The following CPAMD8 variants were observed in gnomAD, a reference collection of about 807,000 sequenced individuals.
The protein encoded by CPAMD8 is C3 and PZP like alpha-2-macroglobulin domain containing 8.
Under a neutral mutation model 224.7 loss-of-function variants are expected in CPAMD8, and 146 were observed. The ratio of observed to expected loss-of-function variants is 0.65; its 90% CI spans 0.57 to 0.75. The LOEUF (loss-of-function observed/expected upper bound fraction) is 0.75. Among genes scored for constraint, CPAMD8 ranks in the 30% least tolerant of loss-of-function variants. The pLI, the probability that CPAMD8 is intolerant of heterozygous loss-of-function variation, is 0.00. For missense variants in CPAMD8, 2,301 were observed against 2,537.5 expected (o/e 0.91, Z 2.00); for synonymous variants, 966 against 1,044.6 (o/e 0.92, Z 1.45).
intron 18 of CPAMD8, among the ~76,000 whole-genome samples, chr19:16,964,549 T>C (rs990121924): frequency 6.6e-6 from 1 of 152,094 alleles, no homozygotes; most frequent in Non-Finnish European, 1.5e-5. Context: ...CAATAATTAA[T>C]AGCCTACCAA....
chr19:16,982,358 C>A (rs1226237103), intron 13 of CPAMD8, among the ~76,000 whole-genome samples: 1 of 151,396 alleles, frequency 6.6e-6, no homozygotes, highest in Non-Finnish European at 1.5e-5. Flanking sequence ...TGCCACTGCA[C>A]CCTAGCCTGG....
At position 16,975,066 on chromosome 19, in the gene CPAMD8, G is replaced by A. The variant is rs752050487; in HGVS notation, c.2070+31C>T. ...TCTAGGCAAGAGGAACTTAGAAGGG[G>A]GCAGAGGGATCTGAGACCACCTCTC... On this transcript the variant is annotated intron_variant, in intron 17 of 41. Coordinates refer to ENST00000443236, the MANE Select transcript of CPAMD8 (RefSeq NM_015692.5). 46 of 1,604,252 alleles carry A rather than the reference G, an allele frequency of 2.9e-5. 1 individual carries two copies. The South Asian group carries it at 4.8e-4, about 17-fold the overall frequency.
intron 19 of CPAMD8, among the ~76,000 whole-genome samples, chr19:16,954,192 G>A (rs1372437337): frequency 6.6e-6 from 1 of 152,068 alleles, no homozygotes; most frequent in African/African-American, 2.4e-5. Flanking sequence ...AATTAGCCAG[G>A]TGTGGTGGTG....
chr19:16,909,564 C>A (rs1269778686), intron 29 of CPAMD8, among the ~76,000 whole-genome samples: 3 of 151,172 alleles, frequency 2.0e-5, no homozygotes, highest in African/African-American at 7.3e-5. Context: ...AACAAACAAA[C>A]AAACAAACCC....
At position 17,020,325 on chromosome 19, in the gene CPAMD8, G is replaced by A. The variant is rs1568611694; in HGVS notation, c.267+6C>T. 5 of 1,582,314 alleles carry A rather than the reference G, an allele frequency of 3.2e-6. No homozygotes were observed. In the South Asian group the frequency reaches 4.4e-5, roughly 14 times the overall value. Reference sequence around the variant, plus strand: ...AGGTTTATGATTTTAAAAATCAACGGCTTACCTTGAGTTTGATTGTCCCTT... The same window carrying A: ...AGGTTTATGATTTTAAAAATCAACGACTTACCTTGAGTTTGATTGTCCCTT... On this transcript the variant is annotated splice_donor_region_variant and intron_variant, in intron 3 of 41. Transcript: ENST00000443236.
intron 26 of CPAMD8, among the ~76,000 whole-genome samples, chr19:16,924,224 T>C (rs2547087): frequency 0.087 from 13,036 of 150,382 alleles, 1,615 homozygotes; most frequent in African/African-American, 0.28. Flanking sequence ...GGCATTTTGT[T>C]GTGGCAGTTT....
chr19:16,974,029 C>A lies in CPAMD8; in HGVS notation c.2070+1068G>T, dbSNP rs138892624. Reference sequence around the variant, plus strand: ...GTTTTTAGTAGAGAGGGGGTTTCACCGTGTTGGCCAGGATGGTCTCGATCT... The same window carrying A: ...GTTTTTAGTAGAGAGGGGGTTTCACAGTGTTGGCCAGGATGGTCTCGATCT... On this transcript the variant is annotated intron_variant, in intron 17 of 41. Coordinates refer to ENST00000443236, the MANE Select transcript of CPAMD8 (RefSeq NM_015692.5). Among the ~76,000 whole-genome samples the A allele has an allele frequency of 5.8e-3, 881 of 151,536 alleles. 12 individuals are homozygous for A. The highest frequency in any genetic ancestry group is 0.02 in the African/African-American group (838 of 41,354).
intron 27 of CPAMD8, 23 bp downstream of exon 27, chr19:16,921,882 T>C: frequency 1.3e-6 from 2 of 1,512,070 alleles, no homozygotes; most frequent in Non-Finnish European, 1.8e-6. Context: ...TCAGAGGCAA[T>C]GCCCAGGGCG....
At chr19:16,903,644 G>A (rs1224042700) in intron 33 of CPAMD8, 21 bp from the exon 34 acceptor site, 3 of 1,613,960 alleles carry the variant, frequency 1.9e-6, no homozygotes, top group South Asian at 2.2e-5. Flanking sequence ...AAGTCACCGT[G>A]AGGCCCTGCT....
rs865854669 is a variant in CPAMD8, at chr19:16,984,336, G to A, written c.1396-3650C>T. ...CTCAAAAAAAAAAAAAAAAAAGAGA[G>A]AGAGAGAGAGAGAGAGAATGAATTT... On this transcript the variant is annotated intron_variant, in intron 13 of 41. Coordinates refer to ENST00000443236, the MANE Select transcript of CPAMD8 (RefSeq NM_015692.5). Among the ~76,000 whole-genome samples the A allele has an allele frequency of 4.6e-3, 668 of 143,748 alleles. 5 individuals carry two copies. The highest frequency in any genetic ancestry group is 0.017 in the African/African-American group (629 of 37,442). 94.3% of individuals were successfully genotyped at this position (143,748 alleles called of 152,430 possible). A position where few individuals can be genotyped will look rare whatever the true frequency, so the allele number is the denominator to read the frequency against.
chr19:16,909,310 C>T (rs1158979915), intron 29 of CPAMD8, among the ~76,000 whole-genome samples: 5 of 151,812 alleles, frequency 3.3e-5, no homozygotes, highest in Admixed American at 1.3e-4. Context: ...TTTGTGAGGC[C>T]GAGGCAGGTG....
At chr19:16,987,504 C>T (rs973607609) in intron 13 of CPAMD8, among the ~76,000 whole-genome samples, 3 of 151,800 alleles carry the variant, frequency 2.0e-5, no homozygotes, top group Non-Finnish European at 4.4e-5. Flanking sequence ...TTTACCTGCG[C>T]CTGCCAGCGT....
intron 14 of CPAMD8, 106 bp downstream of exon 14, chr19:16,980,391 C>A (rs1302928645): frequency 9.6e-7 from 1 of 1,038,078 alleles, no homozygotes; most frequent in East Asian, 2.5e-5. Flanking sequence ...AAGGCATGCT[C>A]CCCTCTCTGC....
chr19:16,970,734 A>T (rs530120457), intron 18 of CPAMD8, among the ~76,000 whole-genome samples, 157 bp downstream of exon 18: 2 of 152,260 alleles, frequency 1.3e-5, no homozygotes, highest in East Asian at 3.9e-4. Flanking sequence ...CTGTTCTTGG[A>T]CTTCCAAGCC....
intron 30 of CPAMD8, among the ~76,000 whole-genome samples, chr19:16,905,540 CAAAAAAAA>C (rs5827346): frequency 2.5e-5 from 2 of 80,404 alleles, no homozygotes; most frequent in Non-Finnish European, 4.6e-5. Context: ...AACTCCGTTT[CAAAAAAAA>C]AAAAAAAAAA....
At chr19:17,017,688 C>G (rs549834236) in intron 3 of CPAMD8, among the ~76,000 whole-genome samples, 25 of 152,168 alleles carry the variant, frequency 1.6e-4, no homozygotes, top group Non-Finnish European at 3.2e-4. Flanking sequence ...AGGGCAAAAG[C>G]CCCCTTGAGT....
At chr19:16,978,281 G>A (rs550983885) in intron 14 of CPAMD8, among the ~76,000 whole-genome samples, 1 of 152,040 alleles carries the variant, frequency 6.6e-6, no homozygotes, top group East Asian at 1.9e-4. Context: ...CTAGGCAATG[G>A]GAAAGTCCCT....
At chr19:17,012,394 C>G (rs139980007) in intron 3 of CPAMD8, among the ~76,000 whole-genome samples, 47 of 146,786 alleles carry the variant, frequency 3.2e-4, no homozygotes, top group African/African-American at 1.1e-3. Context: ...GTTGCCCAGG[C>G]TGGAGTGCAG....
chr19:16,896,892 G>C, intron 39 of CPAMD8: 1 of 395,364 alleles, frequency 2.5e-6, no homozygotes, highest in Non-Finnish European at 4.5e-6. Context: ...AAAAGCGGTT[G>C]TAGGAGAGAA....
Sources: gnomAD v4.1 joint callset for allele counts (sites outside exome capture counted in the v4.1 genomes callset) on GRCh38, gnomAD v4.1.1 for gene constraint, MANE v1.5 for transcripts, NCBI Gene and HGNC (gene_info 2026-07-23, HGNC 2026-07-21) for gene names.